The following NFKB1 variants were observed in gnomAD, a reference collection of about 807,000 sequenced individuals.
The protein encoded by NFKB1 is nuclear factor kappa B subunit 1, also known as nuclear factor NF-kappa-B p105 subunit.
A neutral mutation model predicts 105.1 loss-of-function variants in NFKB1; 9 were observed. That is an observed-to-expected ratio of 0.09 (90% CI 0.05 to 0.15). The LOEUF (loss-of-function observed/expected upper bound fraction) is 0.15, where lower values mean the gene tolerates loss of function less well. Among genes scored for constraint, NFKB1 ranks in the 10% least tolerant of loss-of-function variants. The probability of loss-of-function intolerance (pLI) is 1.00; values close to 1 mark genes in which losing one functional copy is unlikely to be tolerated. For synonymous variants in NFKB1, 440 were observed against 442.2 expected, an observed-to-expected ratio of 1.00 and a Z score of 0.06; for missense variants, 830 against 1,203.7, an observed-to-expected ratio of 0.69 and a Z score of 4.59.
chr4:102,527,790 A>G (rs1474968726), intron 2 of NFKB1, among the ~76,000 whole-genome samples: 1 of 152,132 alleles, frequency 6.6e-6, no homozygotes, highest in Non-Finnish European at 1.5e-5. Context: ...CAGCATGAGG[A>G]TTGTGTCTGC....
chr4:102,607,435 T>A, intron 18 of NFKB1, 116 bp downstream of exon 18: 1 of 1,252,006 alleles, frequency 8.0e-7, no homozygotes, highest in East Asian at 2.3e-5. Context: ...TCTATTTGTT[T>A]AACATTTATG....
intron 19 of NFKB1, among the ~76,000 whole-genome samples, chr4:102,609,374 G>A (rs1359372363): frequency 6.6e-6 from 1 of 151,980 alleles, no homozygotes; most frequent in Non-Finnish European, 1.5e-5. Flanking sequence ...CACTTTGGGA[G>A]GCCAGGGTGG....
chr4:102,600,564 T>C (rs1727056988), intron 15 of NFKB1, among the ~76,000 whole-genome samples: 1 of 152,188 alleles, frequency 6.6e-6, no homozygotes, highest in African/African-American at 2.4e-5. Context: ...AGCCATGGTA[T>C]AGAGGCAGGA....
intron 22 of NFKB1, among the ~76,000 whole-genome samples, chr4:102,613,154 G>C (rs1728583793): frequency 6.6e-6 from 1 of 152,140 alleles, no homozygotes; most frequent in African/African-American, 2.4e-5. Context: ...TGTAGGCAGA[G>C]TTTCACTGCC....
intron 5 of NFKB1, among the ~76,000 whole-genome samples, chr4:102,564,210 C>T (rs1271803654): frequency 6.6e-6 from 1 of 152,018 alleles, no homozygotes; most frequent in East Asian, 1.9e-4. Context: ...ACTTAATTTT[C>T]AAAGGAACCA....
intron 2 of NFKB1, 81 bp downstream of exon 2, chr4:102,525,638 AGC>A: frequency 1.6e-6 from 2 of 1,259,940 alleles, no homozygotes; most frequent in Non-Finnish European, 2.2e-6. Context: ...TTAGTAAGTT[AGC>A]ATTAGGAAAA....
Position 102,613,519 on chromosome 4 carries a change from T to A in NFKB1, c.2687T>A (p.Val896Glu). The stretch of plus-strand genomic sequence containing the variant: ...GTGATCCAGGCAGCCTCCAGCCCAG[T>A]GAAGACCACCTCTCAGGCCCACTCG... The part of the protein sequence containing the change: ...IEVIQAASSP[V>E]KTTSQAHSLP... The change falls in exon 23 of 24, where the codon GTG (valine) becomes GAG (glutamate). Residue 896 changes from valine to glutamate, a missense_variant. Val to Glu is a moderately radical substitution (Grantham distance 121). This residue lies in a region of NFKB1 where 418 missense variants were observed against 575.3 expected (regional missense o/e 0.73). Transcript: ENST00000226574. The A allele has an allele frequency of 6.2e-7, 1 of 1,613,906 alleles. No individual in the cohort carries two copies. Among genetic ancestry groups the A allele is most frequent in the Non-Finnish European group, 8.5e-7 (1 of 1,179,986 alleles).
At chr4:102,582,636 T>C (rs1462290294) in intron 9 of NFKB1, among the ~76,000 whole-genome samples, 3 of 152,186 alleles carry the variant, frequency 2.0e-5, no homozygotes, top group Non-Finnish European at 4.4e-5. Flanking sequence ...GTTAACTAGG[T>C]AAATCTAGTA....
At chr4:102,570,193 G>C (rs182539094) in intron 6 of NFKB1, among the ~76,000 whole-genome samples, 1 of 152,058 alleles carries the variant, frequency 6.6e-6, no homozygotes, top group Admixed American at 6.6e-5. Flanking sequence ...ACTAGGAGTA[G>C]ATATATAAAT....
At chr4:102,585,100 G>GC (rs1725612301) in intron 11 of NFKB1, among the ~76,000 whole-genome samples, 1 of 151,760 alleles carries the variant, frequency 6.6e-6, no homozygotes, top group Non-Finnish European at 1.5e-5. Flanking sequence ...ACATTGTCCA[G>GC]GCTGGCCTTA....
intron 1 of NFKB1, among the ~76,000 whole-genome samples, chr4:102,511,782 T>C (rs1440675164): frequency 6.6e-6 from 1 of 152,238 alleles, no homozygotes; most frequent in Non-Finnish European, 1.5e-5. Flanking sequence ...GCTGCAACTT[T>C]AGTGATTTAT....
intron 1 of NFKB1, 26 bp from the exon 2 acceptor site, chr4:102,525,486 T>C: frequency 6.2e-7 from 1 of 1,607,538 alleles, no homozygotes; most frequent in Non-Finnish European, 8.5e-7. Context: ...TGTTACAGTT[T>C]TGTTTTGTTT....
chr4:102,522,734 T>C (rs1740651176), intron 1 of NFKB1, among the ~76,000 whole-genome samples: 1 of 152,206 alleles, frequency 6.6e-6, no homozygotes, highest in Admixed American at 6.6e-5. Flanking sequence ...ATATTATTTA[T>C]GAAGGTTCAG....
At chr4:102,533,408 CTCTT>C (rs1260805567) in intron 3 of NFKB1, among the ~76,000 whole-genome samples, 1 of 152,188 alleles carries the variant, frequency 6.6e-6, no homozygotes, top group African/African-American at 2.4e-5. Context: ...TAAGCACACT[CTCTT>C]TGAGGAAGGA....
At chr4:102,504,816 C>A (rs767421850) in intron 1 of NFKB1, among the ~76,000 whole-genome samples, 4 of 152,168 alleles carry the variant, frequency 2.6e-5, no homozygotes, top group Admixed American at 6.5e-5. Flanking sequence ...TACTCAGCCT[C>A]AGGGAGAAAG....
chr4:102,533,178 T>C (rs555687455), intron 3 of NFKB1, among the ~76,000 whole-genome samples: 11 of 152,160 alleles, frequency 7.2e-5, no homozygotes, highest in Non-Finnish European at 1.5e-4. Flanking sequence ...TGGATTAATA[T>C]GAAAATTTTA....
At chr4:102,599,763 C>A (rs1726975003) in intron 15 of NFKB1, among the ~76,000 whole-genome samples, 2 of 152,138 alleles carry the variant, frequency 1.3e-5, no homozygotes, top group African/African-American at 2.4e-5. Context: ...TATTACCTAA[C>A]TCATAGGATT....
intron 16 of NFKB1, among the ~76,000 whole-genome samples, chr4:102,603,382 T>A (rs1485979200): frequency 4.3e-5 from 3 of 70,114 alleles, no homozygotes; most frequent in African/African-American, 1.4e-4. Flanking sequence ...GTAGCTATGA[T>A]TTTTTTTTTA....
intron 1 of NFKB1, among the ~76,000 whole-genome samples, chr4:102,502,394 A>ACG (rs1739142216): frequency 1.4e-5 from 1 of 69,874 alleles, no homozygotes; most frequent in African/African-American, 6.5e-5. Context: ...GCGCGCGCAC[A>ACG]CACACACACA....
Sources: gnomAD v4.1 joint callset for allele counts (sites outside exome capture counted in the v4.1 genomes callset) on GRCh38, gnomAD v4.1.1 for gene constraint, gnomAD v4.1.1 regional missense constraint, MANE v1.5 for transcripts, NCBI Gene and HGNC (gene_info 2026-07-23, HGNC 2026-07-21) for gene names.